Variants in KCNMA1 observed in about 807,000 individuals in gnomAD.
KCNMA1 encodes Calcium-activated potassium channel subunit alpha-1.
In KCNMA1, 29 loss-of-function variants were observed where a neutral mutation model predicts 140.0. That is an observed-to-expected ratio of 0.21 (90% CI 0.15 to 0.28). The LOEUF (loss-of-function observed/expected upper bound fraction) is 0.28. KCNMA1 is among the 10% of genes least tolerant of loss of function. The probability of loss-of-function intolerance (pLI) is 1.00; values close to 1 mark genes in which losing one functional copy is unlikely to be tolerated. For synonymous variants in KCNMA1, 612 were observed against 611.9 expected (o/e 1.00, Z 0.00); for missense variants, 880 against 1,602.2 (o/e 0.55, Z 7.70).
chr10:77,492,027 C>A (rs1195949124), intron 1 of KCNMA1, among the ~76,000 whole-genome samples: 1 of 152,174 alleles, frequency 6.6e-6, no homozygotes, highest in Non-Finnish European at 1.5e-5. Flanking sequence ...CCGGTCCCGC[C>A]TCACTGCCTA....
At chr10:77,314,632 C>G (rs1212388249) in intron 2 of KCNMA1, among the ~76,000 whole-genome samples, 1 of 152,032 alleles carries the variant, frequency 6.6e-6, no homozygotes. Context: ...ATTCATGACC[C>G]CTGGTGTGTG....
chr10:77,007,374 A>G (rs1478104506), intron 18 of KCNMA1, among the ~76,000 whole-genome samples: 1 of 152,106 alleles, frequency 6.6e-6, no homozygotes, highest in Admixed American at 6.6e-5. Context: ...GTACTGACTA[A>G]AAGAAAAACT....
intron 1 of KCNMA1, among the ~76,000 whole-genome samples, chr10:77,478,614 TAA>T (rs896987118): frequency 6.6e-6 from 1 of 152,196 alleles, no homozygotes. Context: ...ATACTTACTA[TAA>T]AAAAGAGTAT....
intron 2 of KCNMA1, among the ~76,000 whole-genome samples, chr10:77,295,357 AAAG>A (rs200071303): frequency 0.077 from 11,637 of 152,022 alleles, 638 homozygotes; most frequent in Non-Finnish European, 0.11. Context: ...CAAAAAAAAA[AAAG>A]AGAGTAGTGT....
At chr10:77,560,001 C>A (rs2154558675) in intron 1 of KCNMA1, among the ~76,000 whole-genome samples, 1 of 151,592 alleles carries the variant, frequency 6.6e-6, no homozygotes, top group East Asian at 1.9e-4. Flanking sequence ...CATGGTGAAA[C>A]CCTGTCTCTA....
At chr10:76,913,845 T>A (rs1339067165) in intron 24 of KCNMA1, 1 of 552,490 alleles carries the variant, frequency 1.8e-6, no homozygotes. Flanking sequence ...GATCAAAGGT[T>A]TACTGATGCT....
intron 23 of KCNMA1, among the ~76,000 whole-genome samples, chr10:76,917,875 C>G (rs1394493695): frequency 6.6e-6 from 1 of 152,092 alleles, no homozygotes; most frequent in Non-Finnish European, 1.5e-5. Flanking sequence ...AAATTATGGT[C>G]AGAAACGGCA....
intron 1 of KCNMA1, among the ~76,000 whole-genome samples, chr10:77,598,290 C>A (rs1018136507): frequency 2.6e-5 from 4 of 152,182 alleles, no homozygotes; most frequent in African/African-American, 7.2e-5. Context: ...ATATTTTAAT[C>A]CCCTGGACTG....
chr10:77,223,401 G>C (rs1336805321), intron 3 of KCNMA1, among the ~76,000 whole-genome samples: 1 of 152,048 alleles, frequency 6.6e-6, no homozygotes, highest in Non-Finnish European at 1.5e-5. Flanking sequence ...TGTCTTTAAA[G>C]TCTTTATTAT....
chr10:77,082,132 G>A (rs146096028), intron 12 of KCNMA1, among the ~76,000 whole-genome samples: 2,862 of 145,124 alleles, frequency 0.02, 91 homozygotes, highest in African/African-American at 0.067. Flanking sequence ...GGGTTCAAGC[G>A]ATTCCCCTGC....
Position 77,554,615 on chromosome 10 carries a change from A to AG in KCNMA1, c.378+82649_378+82650insC, listed in dbSNP as rs1555445943. 2.8e-5 allele frequency among the ~76,000 whole-genome samples: 4 copies of AG among 144,712 alleles called. No individual in the cohort carries two copies. The East Asian group carries it at 7.9e-4, about 29-fold the overall frequency. The allele number at this position is 144,712 out of a possible 152,430, so 94.9% of individuals were successfully genotyped here. On this transcript the variant is annotated intron_variant, in intron 1 of 27. Transcript: ENST00000286628. Reference sequence around the variant, plus strand: ...TCCATCTCAAAAAAAAAAAAAAAAAAAAAGAAAGAAAGAAAAGAAAAGAAA... The same window carrying AG: ...TCCATCTCAAAAAAAAAAAAAAAAAAGAAAGAAAGAAAGAAAAGAAAAGAAA...
intron 5 of KCNMA1, among the ~76,000 whole-genome samples, chr10:77,134,276 T>C (rs1482859140): frequency 2.6e-5 from 4 of 151,982 alleles, no homozygotes; most frequent in Admixed American, 6.6e-5. Flanking sequence ...ATAAACACAA[T>C]ATCCAATGAA....
intron 1 of KCNMA1, among the ~76,000 whole-genome samples, chr10:77,415,547 C>T (rs150826778): frequency 1.3e-3 from 191 of 152,368 alleles, no homozygotes; most frequent in African/African-American, 4.0e-3. Flanking sequence ...ATTTGTTTCT[C>T]ATCAGGGCAG....
intron 1 of KCNMA1, among the ~76,000 whole-genome samples, chr10:77,581,019 G>T (rs945157398): frequency 1.3e-5 from 2 of 152,214 alleles, no homozygotes; most frequent in African/African-American, 4.8e-5. Context: ...CACCTGGGAA[G>T]AATCCATGCT....
chr10:77,135,599 G>C (rs1457817020), intron 5 of KCNMA1, among the ~76,000 whole-genome samples: 1 of 152,142 alleles, frequency 6.6e-6, no homozygotes, highest in Admixed American at 6.5e-5. Flanking sequence ...CAACCGCAGT[G>C]TCCATCAACA....
intron 14 of KCNMA1, among the ~76,000 whole-genome samples, chr10:77,046,737 C>G (rs1237863808): frequency 2.0e-5 from 3 of 152,180 alleles, no homozygotes; most frequent in South Asian, 4.1e-4. Flanking sequence ...TTCTCTACCC[C>G]TTCTTAGCCT....
intron 22 of KCNMA1, among the ~76,000 whole-genome samples, chr10:76,948,579 A>G (rs1204049274): frequency 6.6e-6 from 1 of 152,180 alleles, no homozygotes; most frequent in Non-Finnish European, 1.5e-5. Context: ...AATATCATGC[A>G]CACATGCACA....
Position 76,949,220 on chromosome 10 carries a change from A to T in KCNMA1, c.2631T>A (p.Ile877=). 6.2e-7 allele frequency: 1 copy of T among 1,614,170 alleles called. No homozygotes were observed. Among genetic ancestry groups the T allele is most frequent in the East Asian group, 2.2e-5 (1 of 44,876 alleles). Residue 877 remains isoleucine, a synonymous_variant, in exon 22 of 28, where the codon ATT becomes ATA. Transcript: ENST00000286628. ...SNFHYHELKH[I]VFVGSIEYLK... ...GGTACTCAATAGAGCCCACAAACACAATGTGCTTGAGCTCATGGTAATGAA... is the reference window on the plus strand; with the variant it reads ...GGTACTCAATAGAGCCCACAAACACTATGTGCTTGAGCTCATGGTAATGAA...
downstream of KCNMA1, among the ~76,000 whole-genome samples, chr10:76,881,221 TGAAAG>T (rs2034534668): frequency 6.6e-6 from 1 of 151,736 alleles, no homozygotes. Flanking sequence ...GGGCAGGAGG[TGAAAG>T]TTAAGCAGAT....
Sources: gnomAD v4.1 joint callset for allele counts (sites outside exome capture counted in the v4.1 genomes callset) on GRCh38, gnomAD v4.1.1 for gene constraint, MANE v1.5 for transcripts, NCBI Gene and HGNC (gene_info 2026-07-23, HGNC 2026-07-21) for gene names.